The following VAV3 variants were observed in gnomAD, a reference collection of about 807,000 sequenced individuals.
The protein encoded by VAV3 is vav guanine nucleotide exchange factor 3.
In VAV3, 94 loss-of-function variants were observed where a neutral mutation model predicts 131.2. The ratio of observed to expected loss-of-function variants is 0.72; its 90% CI spans 0.61 to 0.85. The LOEUF is 0.85. VAV3 is among the 40% of genes least tolerant of loss of function. The pLI is 0.00. For synonymous variants in VAV3, 349 were observed against 342.0 expected, an observed-to-expected ratio of 1.02 and a Z score of -0.22; for missense variants, 939 against 1,002.7, an observed-to-expected ratio of 0.94 and a Z score of 0.86.
At chr1:107,831,176 A>C (rs1668232313) in intron 2 of VAV3, among the ~76,000 whole-genome samples, 1 of 152,224 alleles carries the variant, frequency 6.6e-6, no homozygotes, top group Non-Finnish European at 1.5e-5. Flanking sequence ...TTTAAAAAAA[A>C]AAGAATATTA....
intron 2 of VAV3, among the ~76,000 whole-genome samples, chr1:107,832,088 T>A (rs1215944467): frequency 6.6e-6 from 1 of 152,198 alleles, no homozygotes; most frequent in Non-Finnish European, 1.5e-5. Context: ...GTAAAGTCAG[T>A]CTCATCTGGC....
At chr1:107,742,185 G>C (rs1004468854) in intron 15 of VAV3, among the ~76,000 whole-genome samples, 4 of 152,086 alleles carry the variant, frequency 2.6e-5, no homozygotes, top group Admixed American at 2.6e-4. Context: ...TCCTCCAAAG[G>C]GCTGTTGTAA....
At chr1:107,910,862 C>T (rs894302564) in intron 1 of VAV3, among the ~76,000 whole-genome samples, 1 of 152,098 alleles carries the variant, frequency 6.6e-6, no homozygotes, top group Non-Finnish European at 1.5e-5. Flanking sequence ...TGCCTGCAAT[C>T]CCAGCTACTC....
At chr1:107,731,881 G>A (rs184482273) in intron 15 of VAV3, among the ~76,000 whole-genome samples, 3 of 152,236 alleles carry the variant, frequency 2.0e-5, no homozygotes, top group East Asian at 1.9e-4. Flanking sequence ...ATTCAGAATC[G>A]ATGGGAAAAA....
intron 19 of VAV3, among the ~76,000 whole-genome samples, chr1:107,643,615 C>T (rs1655516932): frequency 6.6e-6 from 1 of 152,082 alleles, no homozygotes; most frequent in Non-Finnish European, 1.5e-5. Context: ...TATTAAGCTT[C>T]AGGACTTTTT....
chr1:107,623,622 A>G (rs1287158330), intron 20 of VAV3, among the ~76,000 whole-genome samples: 1 of 152,196 alleles, frequency 6.6e-6, no homozygotes, highest in Non-Finnish European at 1.5e-5. Context: ...CTATATGATG[A>G]GTAAGATATG....
chr1:107,737,048 C>G (rs1214566638), intron 15 of VAV3, among the ~76,000 whole-genome samples: 1 of 152,122 alleles, frequency 6.6e-6, no homozygotes, highest in African/African-American at 2.4e-5. Flanking sequence ...AGAAATAACA[C>G]CACACATCTA....
chr1:107,845,961 T>C (rs1668946914), intron 2 of VAV3, among the ~76,000 whole-genome samples: 1 of 151,990 alleles, frequency 6.6e-6, no homozygotes, highest in African/African-American at 2.4e-5. Context: ...ACCACTAAGA[T>C]ACTCCACGAG....
chr1:107,953,283 T>C (rs376551056), intron 1 of VAV3, among the ~76,000 whole-genome samples: 1 of 152,108 alleles, frequency 6.6e-6, no homozygotes, highest in Admixed American at 6.5e-5. Flanking sequence ...GACATGAGGA[T>C]TGGGGAGGCA....
At chr1:107,685,304 C>T (rs988529118) in intron 18 of VAV3, among the ~76,000 whole-genome samples, 11 of 152,118 alleles carry the variant, frequency 7.2e-5, no homozygotes, top group African/African-American at 2.7e-4. Flanking sequence ...AAATTTATAT[C>T]TCTGTGCCTG....
intron 4 of VAV3, among the ~76,000 whole-genome samples, chr1:107,775,107 G>A (rs1478731295): frequency 2.0e-5 from 3 of 152,152 alleles, no homozygotes; most frequent in African/African-American, 2.4e-5. Flanking sequence ...GCCTCTCACA[G>A]AGCAAGGGCT....
At chr1:107,889,784 A>C (rs1671227875) in intron 1 of VAV3, among the ~76,000 whole-genome samples, 2 of 152,214 alleles carry the variant, frequency 1.3e-5, no homozygotes, top group Admixed American at 6.5e-5. Context: ...AGTGTCTTCC[A>C]TTTTTGGCAG....
At position 107,658,082 on chromosome 1, in the gene VAV3, A is replaced by G. The variant is rs79916975; in HGVS notation, c.1778-15327T>C. ...TACTTCAATATCTCTTTCTAATGAA[A>G]GAAAACCGTACTTCCTTTCAAATTA... On this transcript the variant is annotated intron_variant, in intron 19 of 26. Coordinates refer to ENST00000370056, the MANE Select transcript of VAV3 (RefSeq NM_006113.5). Among the ~76,000 whole-genome samples, 1,411 of 152,358 alleles carry G rather than the reference A, an allele frequency of 9.3e-3. 14 individuals carry two copies. The highest frequency in any genetic ancestry group is 0.029 in the African/African-American group (1,186 of 41,580).
At chr1:107,923,932 T>A (rs1673033254) in intron 1 of VAV3, among the ~76,000 whole-genome samples, 1 of 152,120 alleles carries the variant, frequency 6.6e-6, no homozygotes, top group East Asian at 1.9e-4. Context: ...AGACACCACA[T>A]CTGCTGGTAT....
chr1:107,659,170 C>T (rs1656816317), intron 19 of VAV3, among the ~76,000 whole-genome samples: 1 of 151,872 alleles, frequency 6.6e-6, no homozygotes, highest in Non-Finnish European at 1.5e-5. Flanking sequence ...CTACATATGG[C>T]TAGCCAGTTT....
chr1:107,720,532 G>A (rs1056422095), intron 15 of VAV3, among the ~76,000 whole-genome samples: 2 of 149,758 alleles, frequency 1.3e-5, no homozygotes, highest in East Asian at 3.9e-4. Context: ...TACAAAATTA[G>A]CCAGGTGGGG....
At chr1:107,581,357 TG>T (rs977676814) in intron 25 of VAV3, among the ~76,000 whole-genome samples, 1 of 152,174 alleles carries the variant, frequency 6.6e-6, no homozygotes, top group African/African-American at 2.4e-5. Context: ...CTAACATACA[TG>T]GGGCATTATT....
intron 2 of VAV3, among the ~76,000 whole-genome samples, chr1:107,833,839 G>A (rs1020604804): frequency 6.6e-6 from 1 of 152,148 alleles, no homozygotes; most frequent in Non-Finnish European, 1.5e-5. Context: ...TACATGAATC[G>A]TAATTAATAA....
At chr1:107,814,364 A>G (rs1274198247) in intron 2 of VAV3, among the ~76,000 whole-genome samples, 3 of 152,086 alleles carry the variant, frequency 2.0e-5, no homozygotes, top group African/African-American at 7.2e-5. Context: ...TAGATGATGT[A>G]TCATTGTGGT....
Sources: gnomAD v4.1 joint callset for allele counts (sites outside exome capture counted in the v4.1 genomes callset) on GRCh38, gnomAD v4.1.1 for gene constraint, MANE v1.5 for transcripts, NCBI Gene and HGNC (gene_info 2026-07-23, HGNC 2026-07-21) for gene names.